CD226: variants seen among roughly 807,000 people sequenced by gnomAD.
CD226 encodes the protein CD226 molecule.
CD226 carries 24 observed loss-of-function variants against 34.9 expected under a neutral mutation model. The observed-to-expected ratio is 0.69, with a 90% confidence interval of 0.50 to 0.97. The LOEUF is 0.97. CD226 is among the 50% of genes least tolerant of loss of function. The pLI is 0.00. For missense variants in CD226, 397 were observed against 412.7 expected (o/e 0.96, Z 0.33); for synonymous variants, 148 against 147.4 (o/e 1.00, Z -0.03).
chr18:69,872,057 GGT>G (rs201644137), intron 4 of CD226, among the ~76,000 whole-genome samples: 2,297 of 143,488 alleles, frequency 0.016, 27 homozygotes, highest in Middle Eastern at 0.025. Flanking sequence ...ATTAACAAGG[GGT>G]GTGTGTGTGT....
chr18:69,952,591 C>G (rs1262696929), upstream of CD226, among the ~76,000 whole-genome samples: 2 of 152,106 alleles, frequency 1.3e-5, no homozygotes, highest in Non-Finnish European at 2.9e-5. Context: ...CCGTGAAACA[C>G]AAAAATTAAC....
At position 69,857,400 on chromosome 18, in the gene CD226, A is replaced by T. The variant is rs1352204565; in HGVS notation, c.*6914T>A. The T allele has an allele frequency of 1.3e-5, 2 of 152,212 alleles. No homozygotes were observed. Among genetic ancestry groups the T allele is most frequent in the Non-Finnish European group, 2.9e-5 (2 of 68,030 alleles). 9.4% of individuals were successfully genotyped at this position (152,212 alleles called of 1,614,324 possible). Reference sequence around the variant, plus strand: ...GAAGCCACATCCAAAGCTGTTACTCAGAAAACTTAGTATCACTGAGAGTAT... The same window carrying T: ...GAAGCCACATCCAAAGCTGTTACTCTGAAAACTTAGTATCACTGAGAGTAT... On this transcript the variant is annotated 3_prime_UTR_variant, in exon 6 of 6. Coordinates refer to ENST00000582621, the MANE Select transcript of CD226 (RefSeq NM_001303618.2).
chr18:69,884,575 C>T (rs1984453079), intron 3 of CD226, among the ~76,000 whole-genome samples: 2 of 152,180 alleles, frequency 1.3e-5, no homozygotes, highest in African/African-American at 2.4e-5. Flanking sequence ...GGGAGCCATC[C>T]CTTTGAAATG....
At chr18:69,910,448 C>A (rs918179872) in intron 2 of CD226, among the ~76,000 whole-genome samples, 6 of 152,134 alleles carry the variant, frequency 3.9e-5, no homozygotes, top group African/African-American at 1.4e-4. Context: ...ATCAGACAAA[C>A]CCTAATTGGG....
rs953277385 is a variant in CD226, at chr18:69,864,215, G to A, written c.*99C>T. 2.8e-5 allele frequency: 27 copies of A among 971,362 alleles called. No homozygotes were observed. In the Admixed American group the frequency reaches 3.4e-4, roughly 12 times the overall value. The allele number at this position is 971,362 out of a possible 1,614,324, so 60.2% of individuals were successfully genotyped here. A position where few individuals can be genotyped will look rare whatever the true frequency, so the allele number is the denominator to read the frequency against. ...CAAAGTAACTCAATTCAGACAACTAGTATCTAAGGTAGACCTTGGGTAGTG... is the reference window on the plus strand; with the variant it reads ...CAAAGTAACTCAATTCAGACAACTAATATCTAAGGTAGACCTTGGGTAGTG... On this transcript the variant is annotated 3_prime_UTR_variant, in exon 6 of 6. Transcript: ENST00000582621.
In CD226 at chr18:69,855,374, T is replaced by A. The variant is rs1432560756; in HGVS notation, c.*8940A>T. 1 of 152,086 alleles carries A rather than the reference T, an allele frequency of 6.6e-6. No homozygotes were observed. Among genetic ancestry groups the A allele is most frequent in the Non-Finnish European group, 1.5e-5 (1 of 68,008 alleles). The allele number at this position is 152,086 out of a possible 1,614,324, so 9.4% of individuals were successfully genotyped here. ...AACATAGTAATAGAAAGGAAGGATA[T>A]CTTTGATGCAATTATCAGTTGACTT... On this transcript the variant is annotated 3_prime_UTR_variant, in exon 6 of 6. Transcript: ENST00000582621.
In CD226 at chr18:69,859,706, G is replaced by A. The variant is rs895455408; in HGVS notation, c.*4608C>T. 6.6e-6 allele frequency: 1 copy of A among 151,854 alleles called. No individual in the cohort carries two copies. The allele number at this position is 151,854 out of a possible 1,614,324, so 9.4% of individuals were successfully genotyped here. ...GAAGGGCAAGGGACTACTATGTTTCGGGAAAAACAAAAACAAACAAACAAA... is the reference window on the plus strand; with the variant it reads ...GAAGGGCAAGGGACTACTATGTTTCAGGAAAAACAAAAACAAACAAACAAA... On this transcript the variant is annotated 3_prime_UTR_variant, in exon 6 of 6. Coordinates refer to ENST00000582621, the MANE Select transcript of CD226 (RefSeq NM_001303618.2).
chr18:69,880,442 T>C (rs1290489176), intron 3 of CD226, among the ~76,000 whole-genome samples: 4 of 151,612 alleles, frequency 2.6e-5, no homozygotes, highest in Non-Finnish European at 5.9e-5. Flanking sequence ...GGCAAGGGTA[T>C]GGAGAAGAGA....
Position 69,899,010 on chromosome 18 carries a change from G to A in CD226, c.383-2965C>T, listed in dbSNP as rs536110387. Among the ~76,000 whole-genome samples, 32 of 152,304 alleles carry A rather than the reference G, an allele frequency of 2.1e-4. No homozygotes were observed. In the South Asian group the frequency reaches 3.3e-3, roughly 16 times the overall value. On this transcript the variant is annotated intron_variant, in intron 2 of 5. Transcript: ENST00000582621. ...CCAGCTTATACTTATATGTAGCTAC[G>A]TATTAATACTTAGAATAAACATTGA...
At chr18:69,888,220 A>C (rs534611534) in intron 3 of CD226, among the ~76,000 whole-genome samples, 2 of 152,300 alleles carry the variant, frequency 1.3e-5, no homozygotes, top group South Asian at 2.1e-4. Context: ...CTTTTGGAGA[A>C]ATCTTTGATC....
chr18:69,948,473 T>C (rs190884490), upstream of CD226, among the ~76,000 whole-genome samples: 1 of 152,352 alleles, frequency 6.6e-6, no homozygotes, highest in Non-Finnish European at 1.5e-5. Context: ...ATGCCGACCC[T>C]GAACTTTGTT....
chr18:69,954,576 T>C (rs770367413), intron 1 of CD226, among the ~76,000 whole-genome samples: 2 of 151,448 alleles, frequency 1.3e-5, no homozygotes, highest in African/African-American at 2.4e-5. Flanking sequence ...GTGGTTTCTA[T>C]GATCAGGCCC....
chr18:69,924,817 C>T (rs1014143943), intron 2 of CD226, among the ~76,000 whole-genome samples: 1 of 151,370 alleles, frequency 6.6e-6, no homozygotes, highest in Non-Finnish European at 1.5e-5. Context: ...AAAGTAAATG[C>T]TGAGAAGTTT....
intron 2 of CD226, among the ~76,000 whole-genome samples, chr18:69,905,555 G>T (rs998068141): frequency 1.3e-5 from 2 of 152,156 alleles, no homozygotes. Context: ...GTGGAAGTGC[G>T]GGATTGGTGG....
At chr18:69,956,560 A>G (rs1403629745) in intron 1 of CD226, 2 of 152,202 alleles carry the variant, frequency 1.3e-5, no homozygotes, top group African/African-American at 2.4e-5. Flanking sequence ...TTTTACTACA[A>G]ACTGCACCCC....
chr18:69,920,622 A>G (rs1599009778), intron 2 of CD226, among the ~76,000 whole-genome samples: 1 of 152,188 alleles, frequency 6.6e-6, no homozygotes, highest in South Asian at 2.1e-4. Context: ...GGGCCAATTA[A>G]TCATAATAAA....
At chr18:69,897,004 G>C (rs973696258) in intron 2 of CD226, among the ~76,000 whole-genome samples, 1 of 152,148 alleles carries the variant, frequency 6.6e-6, no homozygotes, top group African/African-American at 2.4e-5. Context: ...GGTCCTTAGA[G>C]TGTGTTTGGG....
chr18:69,944,803 C>CA (rs1408968113), intron 2 of CD226, among the ~76,000 whole-genome samples: 2 of 152,172 alleles, frequency 1.3e-5, no homozygotes, highest in African/African-American at 2.4e-5. Context: ...CATACAACAG[C>CA]AAATGAGGAC....
At chr18:69,878,212 T>TTTC (rs1568163336) in intron 3 of CD226, among the ~76,000 whole-genome samples, 1 of 152,248 alleles carries the variant, frequency 6.6e-6, no homozygotes, top group African/African-American at 2.4e-5. Flanking sequence ...GCCATTTTTT[T>TTTC]GCTAACTTTT....
Sources: gnomAD v4.1 joint callset for allele counts (sites outside exome capture counted in the v4.1 genomes callset) on GRCh38, gnomAD v4.1.1 for gene constraint, MANE v1.5 for transcripts, NCBI Gene and HGNC (gene_info 2026-07-23, HGNC 2026-07-21) for gene names.